The following NDUFA9 variants were observed in gnomAD, a reference collection of about 807,000 sequenced individuals.
The protein encoded by NDUFA9 is NADH dehydrogenase [ubiquinone] 1 alpha subcomplex subunit 9, mitochondrial.
NDUFA9 carries 23 observed loss-of-function variants against 45.9 expected under a neutral mutation model. The ratio of observed to expected loss-of-function variants is 0.50; its 90% CI spans 0.36 to 0.71. The LOEUF (loss-of-function observed/expected upper bound fraction) is 0.71. NDUFA9 is among the 30% of genes least tolerant of loss of function. NDUFA9 has a pLI of 0.00. For synonymous variants in NDUFA9, 176 were observed against 170.5 expected (o/e 1.03, Z -0.25); for missense variants, 466 against 488.2 (o/e 0.95, Z 0.43).
chr12:4,664,603 C>T (rs552444500), intron 6 of NDUFA9, among the ~76,000 whole-genome samples: 12 of 152,316 alleles, frequency 7.9e-5, no homozygotes, highest in African/African-American at 2.6e-4. Context: ...CTGCCTGATC[C>T]TTGGGGCTAC....
intron 8 of NDUFA9, among the ~76,000 whole-genome samples, chr12:4,680,340 AC>A (rs1225084863): frequency 6.6e-6 from 1 of 152,168 alleles, no homozygotes; most frequent in Non-Finnish European, 1.5e-5. Context: ...GTTTGGGTCA[AC>A]CAGAGTGAGT....
intron 8 of NDUFA9, among the ~76,000 whole-genome samples, chr12:4,672,198 G>A (rs1043520827): frequency 4.6e-5 from 7 of 152,168 alleles, no homozygotes; most frequent in African/African-American, 1.7e-4. Flanking sequence ...ATGCACTCTG[G>A]CCCAGATACT....
At position 4,654,940 on chromosome 12, in the gene NDUFA9, T is replaced by C; in HGVS notation, c.318+18T>C. On this transcript the variant is annotated intron_variant, in intron 3 of 10. Transcript: ENST00000266544. ...TGTTTCTGGTAAGGGCCTTTATGACTGAATGAAGTTGACAAATATAAATTA... is the reference window on the plus strand; with the variant it reads ...TGTTTCTGGTAAGGGCCTTTATGACCGAATGAAGTTGACAAATATAAATTA... The C allele has an allele frequency of 1.9e-6, 3 of 1,574,918 alleles. No individual in the cohort carries two copies. Among genetic ancestry groups the C allele is most frequent in the Non-Finnish European group, 2.6e-6 (3 of 1,149,408 alleles).
At position 4,689,910 on chromosome 12, in the gene NDUFA9, G is replaced by A. The variant is rs1054814695; in HGVS notation, c.*2802G>A. 12 of 155,020 alleles carry A rather than the reference G, an allele frequency of 7.7e-5. 1 individual carries two copies. The highest frequency in any genetic ancestry group is 6.6e-3 in the Middle Eastern group (2 of 302). 9.6% of individuals were successfully genotyped at this position (155,020 alleles called of 1,614,324 possible). ...GCGCCCCCCACCTCCCGGACTGGTCGGCTGGCTGGGCGGAGGCGCCCCCCA... is the reference window on the plus strand; with the variant it reads ...GCGCCCCCCACCTCCCGGACTGGTCAGCTGGCTGGGCGGAGGCGCCCCCCA... On this transcript the variant is annotated 3_prime_UTR_variant, in exon 11 of 11. Transcript: ENST00000266544.
At chr12:4,650,188 C>T (rs1277685283) in intron 1 of NDUFA9, among the ~76,000 whole-genome samples, 1 of 152,038 alleles carries the variant, frequency 6.6e-6, no homozygotes, top group Non-Finnish European at 1.5e-5. Flanking sequence ...AAAAGCACCA[C>T]AGATAGGCTT....
chr12:4,672,530 C>T (rs542564220), intron 8 of NDUFA9, among the ~76,000 whole-genome samples: 3 of 152,290 alleles, frequency 2.0e-5, no homozygotes, highest in Non-Finnish European at 2.9e-5. Flanking sequence ...CAACCTGGGA[C>T]GTATGAGCTT....
intron 9 of NDUFA9, 125 bp from the exon 10 acceptor site, chr12:4,685,134 T>C: frequency 1.1e-6 from 1 of 870,026 alleles, no homozygotes. Context: ...GGTTATTTTC[T>C]TAAAAAAAAA....
At chr12:4,664,281 G>T (rs1017376726) in intron 6 of NDUFA9, among the ~76,000 whole-genome samples, 1 of 152,196 alleles carries the variant, frequency 6.6e-6, no homozygotes, top group East Asian at 1.9e-4. Context: ...CAACTAACAA[G>T]CTATCTTGGC....
chr12:4,657,497 C>T (rs889842406), intron 3 of NDUFA9: 22 of 379,936 alleles, frequency 5.8e-5, no homozygotes, highest in Non-Finnish European at 9.0e-5. Flanking sequence ...TCAATAGCCT[C>T]CTTTTTAGCT....
chr12:4,679,388 A>G (rs1322747446), intron 8 of NDUFA9, among the ~76,000 whole-genome samples: 1 of 152,238 alleles, frequency 6.6e-6, no homozygotes, highest in Non-Finnish European at 1.5e-5. Context: ...GATGAATTTT[A>G]ATGTATGTAA....
intron 6 of NDUFA9, among the ~76,000 whole-genome samples, chr12:4,664,060 C>T (rs1055348727): frequency 6.6e-6 from 1 of 152,110 alleles, no homozygotes; most frequent in African/African-American, 2.4e-5. Flanking sequence ...GAAGAAATGC[C>T]TTGGTTCCTC....
At chr12:4,676,271 G>T (rs1945919463) in intron 8 of NDUFA9, among the ~76,000 whole-genome samples, 1 of 152,318 alleles carries the variant, frequency 6.6e-6, no homozygotes, top group Middle Eastern at 3.4e-3. Flanking sequence ...GTTCAACGTA[G>T]TGTTGGAAGT....
At chr12:4,677,452 C>G (rs994798109) in intron 8 of NDUFA9, among the ~76,000 whole-genome samples, 2 of 152,044 alleles carry the variant, frequency 1.3e-5, no homozygotes, top group Admixed American at 6.6e-5. Flanking sequence ...AACAGATTTA[C>G]AAGAAAAAAA....
intron 3 of NDUFA9, among the ~76,000 whole-genome samples, chr12:4,656,492 A>C (rs1945791600): frequency 6.6e-6 from 1 of 152,244 alleles, no homozygotes; most frequent in South Asian, 2.1e-4. Flanking sequence ...TGGATGACCA[A>C]GACCACAGGG....
chr12:4,660,165 G>T (rs1316025325), intron 5 of NDUFA9, among the ~76,000 whole-genome samples: 2 of 152,166 alleles, frequency 1.3e-5, no homozygotes, highest in Non-Finnish European at 2.9e-5. Flanking sequence ...AGGCTGTAGG[G>T]CAGTGAGTCT....
chr12:4,669,629 C>G, intron 7 of NDUFA9, 112 bp from the exon 8 acceptor site: 2 of 663,540 alleles, frequency 3.0e-6, no homozygotes, highest in Non-Finnish European at 5.2e-6. Flanking sequence ...TTCCTCCTTT[C>G]TCCTTCCTTC....
intron 1 of NDUFA9, among the ~76,000 whole-genome samples, chr12:4,652,266 A>G (rs991538103): frequency 6.6e-6 from 1 of 151,946 alleles, no homozygotes; most frequent in African/African-American, 2.4e-5. Context: ...GTAATTTTCT[A>G]CCTCTACCAT....
At chr12:4,684,673 G>GC (rs1945973703) in intron 9 of NDUFA9, among the ~76,000 whole-genome samples, 1 of 152,174 alleles carries the variant, frequency 6.6e-6, no homozygotes, top group Non-Finnish European at 1.5e-5. Context: ...AGCTCAAGTG[G>GC]CACGTAAGGA....
Position 4,662,475 on chromosome 12 carries a change from T to C in NDUFA9, c.553-58T>C, listed in dbSNP as rs976380237. The C allele has an allele frequency of 6.2e-6, 8 of 1,285,290 alleles. No individual in the cohort carries two copies. The African/African-American group carries it at 8.8e-5, about 14-fold the overall frequency. 79.6% of individuals were successfully genotyped at this position (1,285,290 alleles called of 1,614,324 possible). On this transcript the variant is annotated intron_variant, in intron 5 of 10. Coordinates refer to ENST00000266544, the MANE Select transcript of NDUFA9 (RefSeq NM_005002.5). ...AGTCATGTCTTAATAGTGGAAAGAA[T>C]GGATGCTTTATTCACTTGTCTCTAA...
Sources: gnomAD v4.1 joint callset for allele counts (sites outside exome capture counted in the v4.1 genomes callset) on GRCh38, gnomAD v4.1.1 for gene constraint, MANE v1.5 for transcripts, NCBI Gene and HGNC (gene_info 2026-07-23, HGNC 2026-07-21) for gene names.